Variants in EYS observed in about 807,000 individuals in gnomAD.
The protein encoded by EYS is EGF-like photoreceptor maintenance factor.
In EYS, 250 loss-of-function variants were observed where a neutral mutation model predicts 282.1. The observed-to-expected ratio is 0.89, with a 90% CI of 0.80 to 0.98. The LOEUF is 0.98. Among genes scored for constraint, EYS ranks in the 50% least tolerant of loss-of-function variants. The pLI is 0.00. For missense variants in EYS, 4,016 were observed against 3,709.0 expected (o/e 1.08, Z -2.15); for synonymous variants, 1,355 against 1,282.9 (o/e 1.06, Z -1.20).
chr6:64,284,522 G>C (rs1768426267), intron 30 of EYS, among the ~76,000 whole-genome samples: 1 of 152,100 alleles, frequency 6.6e-6, no homozygotes, highest in South Asian at 2.1e-4. Context: ...CTGGGGTCTG[G>C]AGGATGACGG....
At chr6:64,521,996 A>G (rs536715593) in intron 26 of EYS, among the ~76,000 whole-genome samples, 1 of 151,934 alleles carries the variant, frequency 6.6e-6, no homozygotes, top group African/African-American at 2.4e-5. Context: ...ATGAATAAAC[A>G]TATAAATACA....
intron 19 of EYS, among the ~76,000 whole-genome samples, chr6:64,880,807 C>T (rs538068047): frequency 1.3e-5 from 2 of 149,124 alleles, no homozygotes; most frequent in African/African-American, 4.9e-5. Context: ...TACACACATA[C>T]TTATGTATAA....
intron 28 of EYS, 46 bp from the exon 29 acceptor site, chr6:64,388,886 A>C: frequency 8.4e-7 from 1 of 1,193,968 alleles, no homozygotes; most frequent in South Asian, 2.0e-5. Context: ...AGTCATATAA[A>C]CATTTATCTG....
rs185154473 is a variant in EYS at position 65,251,051 on chromosome 6, A to C, written c.2023+44812T>G. Reference sequence around the variant, plus strand: ...ATAAATAACAACAGAAAAAAAAAAAAAAAACAGGAGAGCACTGGCCTTAAC... The same window carrying C: ...ATAAATAACAACAGAAAAAAAAAAACAAAACAGGAGAGCACTGGCCTTAAC... On this transcript the variant is annotated intron_variant, in intron 12 of 42. Transcript: ENST00000503581. 1.5e-3 allele frequency among the ~76,000 whole-genome samples: 227 copies of C among 151,284 alleles called. 1 individual carries two copies. The Middle Eastern group carries it at 0.017, about 11-fold the overall frequency.
At chr6:63,839,743 G>A (rs1307286618) in intron 36 of EYS, among the ~76,000 whole-genome samples, 1 of 152,148 alleles carries the variant, frequency 6.6e-6, no homozygotes. Context: ...ACCCAGCAGT[G>A]GAACTGTTGA....
At chr6:65,043,370 G>T (rs775621520) in intron 13 of EYS, among the ~76,000 whole-genome samples, 59 of 151,292 alleles carry the variant, frequency 3.9e-4, no homozygotes, top group Non-Finnish European at 6.9e-4. Flanking sequence ...GACTATACTG[G>T]TATATTATTT....
At chr6:65,184,096 A>C (rs555015001) in intron 12 of EYS, among the ~76,000 whole-genome samples, 9 of 151,970 alleles carry the variant, frequency 5.9e-5, no homozygotes, top group Non-Finnish European at 1.3e-4. Context: ...ATATGTTATG[A>C]ATGACTTTAA....
At chr6:65,334,951 T>C in intron 11 of EYS, 29 bp downstream of exon 11, 1 of 1,586,064 alleles carries the variant, frequency 6.3e-7, no homozygotes, top group South Asian at 1.1e-5. Context: ...TGATATGTGA[T>C]ATTATCTGCT....
intron 31 of EYS, among the ~76,000 whole-genome samples, chr6:64,112,926 T>C (rs1467728149): frequency 1.3e-5 from 2 of 151,830 alleles, no homozygotes; most frequent in South Asian, 2.1e-4. Flanking sequence ...CCCCAGAGAT[T>C]GTAGTCAGGA....
chr6:64,810,118 G>A (rs1764548502), intron 22 of EYS, among the ~76,000 whole-genome samples: 1 of 151,830 alleles, frequency 6.6e-6, no homozygotes, highest in Admixed American at 6.6e-5. Context: ...ATCTGCATAA[G>A]ACAAATAGAA....
At position 64,995,423 on chromosome 6, in the gene EYS, TCTGAG is replaced by T. The variant is rs543479561; in HGVS notation, c.2259+2154_2259+2158del. On this transcript the variant is annotated intron_variant, in intron 14 of 42. Coordinates refer to ENST00000503581, the MANE Select transcript of EYS (RefSeq NM_001142800.2). The stretch of plus-strand genomic sequence containing the variant: ...TCCTAGCAAAAAGTAAAACAGTTTT[TCTGAG>T]TTCTTCTTATACATTATCAAACCTG... 1.9e-3 allele frequency among the ~76,000 whole-genome samples: 285 copies of T among 152,274 alleles called. 2 individuals are homozygous for T. Among genetic ancestry groups the T allele is most frequent in the African/African-American group, 6.8e-3 (281 of 41,560 alleles).
intron 12 of EYS, among the ~76,000 whole-genome samples, chr6:65,057,946 C>T (rs1232290053): frequency 6.6e-6 from 1 of 152,084 alleles, no homozygotes; most frequent in African/African-American, 2.4e-5. Flanking sequence ...GGACACTAAT[C>T]TCTTCTGAGT....
At chr6:64,198,570 TGTG>T (rs1000741743) in intron 31 of EYS, among the ~76,000 whole-genome samples, 2 of 151,710 alleles carry the variant, frequency 1.3e-5, no homozygotes, top group Non-Finnish European at 2.9e-5. Context: ...AGTGAGAACA[TGTG>T]GTGTTTGGTT....
intron 30 of EYS, among the ~76,000 whole-genome samples, chr6:64,254,994 G>C (rs1307191709): frequency 6.6e-6 from 1 of 152,084 alleles, no homozygotes; most frequent in African/African-American, 2.4e-5. Context: ...ATTTTGTAAT[G>C]TAAGTGTAAA....
chr6:63,801,111 T>C (rs563440322), intron 37 of EYS, among the ~76,000 whole-genome samples: 1 of 152,198 alleles, frequency 6.6e-6, no homozygotes, highest in Non-Finnish European at 1.5e-5. Context: ...ACATGTTGAT[T>C]AGCTAAGAAA....
intron 16 of EYS, among the ~76,000 whole-genome samples, chr6:64,910,981 T>G (rs919024531): frequency 2.6e-5 from 4 of 151,962 alleles, no homozygotes; most frequent in African/African-American, 9.7e-5. Flanking sequence ...ATTCTGAGAT[T>G]TTTTTTCTAT....
intron 2 of EYS, among the ~76,000 whole-genome samples, chr6:65,543,691 G>A (rs1768268738): frequency 6.6e-6 from 1 of 151,996 alleles, no homozygotes; most frequent in Non-Finnish European, 1.5e-5. Flanking sequence ...TTGCACCAGA[G>A]TCTACAATTG....
intron 14 of EYS, among the ~76,000 whole-genome samples, chr6:64,966,612 C>A (rs1770103173): frequency 6.6e-6 from 1 of 152,164 alleles, no homozygotes; most frequent in South Asian, 2.1e-4. Flanking sequence ...GCTTCTAGAA[C>A]TGCTTTCTTA....
chr6:64,174,529 T>C (rs949607410), intron 31 of EYS, among the ~76,000 whole-genome samples: 2 of 151,724 alleles, frequency 1.3e-5, no homozygotes, highest in Non-Finnish European at 2.9e-5. Context: ...TAAAGTTACA[T>C]AGATAGAAAA....
Sources: gnomAD v4.1 joint callset for allele counts (sites outside exome capture counted in the v4.1 genomes callset) on GRCh38, gnomAD v4.1.1 for gene constraint, MANE v1.5 for transcripts, NCBI Gene and HGNC (gene_info 2026-07-23, HGNC 2026-07-21) for gene names.